The following TMCC1 variants were observed in gnomAD, a reference collection of about 807,000 sequenced individuals.
TMCC1 encodes the protein transmembrane and coiled-coil domain family 1, also known as transmembrane and coiled-coil domains protein 1.
TMCC1 carries 15 observed loss-of-function variants against 52.4 expected under a neutral mutation model. That is an observed-to-expected ratio of 0.29 (90% CI 0.19 to 0.44). The LOEUF is 0.44. Ranked by LOEUF, TMCC1 falls within the 20% of genes least tolerant of loss-of-function variation. The probability of loss-of-function intolerance (pLI) is 1.00; values close to 1 mark genes in which losing one functional copy is unlikely to be tolerated. For synonymous variants in TMCC1, 279 were observed against 301.9 expected, an observed-to-expected ratio of 0.92 and a Z score of 0.79; for missense variants, 503 against 806.0, an observed-to-expected ratio of 0.62 and a Z score of 4.55.
intron 2 of TMCC1, among the ~76,000 whole-genome samples, chr3:129,879,243 C>T (rs1261781903): frequency 6.6e-6 from 1 of 152,104 alleles, no homozygotes; most frequent in Non-Finnish European, 1.5e-5. Flanking sequence ...GAGTTCGAGA[C>T]CAGCATGGGC....
chr3:129,806,360 C>T (rs1394962262), intron 4 of TMCC1, among the ~76,000 whole-genome samples: 1 of 152,200 alleles, frequency 6.6e-6, no homozygotes, highest in Non-Finnish European at 1.5e-5. Flanking sequence ...ACTAAGCCAA[C>T]AGATGAGAAT....
In TMCC1 at chr3:129,648,019, T is replaced by C. The variant is rs566867291; in HGVS notation, c.*3462A>G. 1 of 152,788 alleles carries C rather than the reference T, an allele frequency of 6.5e-6. No homozygotes were observed. The highest frequency in any genetic ancestry group is 2.4e-5 in the African/African-American group (1 of 41,590). 9.5% of individuals were successfully genotyped at this position (152,788 alleles called of 1,614,324 possible). On this transcript the variant is annotated 3_prime_UTR_variant, in exon 7 of 7. Transcript: ENST00000393238. ...CACTTTGATAAAACACACAGTCTAG[T>C]AGTCAATCCCTACTGAGGATATCAC... is the stretch of plus-strand genomic sequence containing the variant.
Position 129,851,472 on chromosome 3 carries a change from T to C in TMCC1, c.-183-18646A>G, listed in dbSNP as rs80119959. 9.1e-3 allele frequency among the ~76,000 whole-genome samples: 1,383 copies of C among 152,282 alleles called. 30 individuals are homozygous for C. The highest frequency in any genetic ancestry group is 0.031 in the African/African-American group (1,297 of 41,546). On this transcript the variant is annotated intron_variant, in intron 2 of 6. Transcript: ENST00000393238. ...TTATTAAAGACAATGTAACAAAAAT[T>C]CAGTCTATTTTAATTTTCAAAGATG...
chr3:129,864,684 A>G, intron 2 of TMCC1, among the ~76,000 whole-genome samples: 1 of 152,182 alleles, frequency 6.6e-6, no homozygotes. Flanking sequence ...TCAAGGCTGC[A>G]AAGAGCTGAG....
At chr3:129,798,072 T>C (rs1687311441) in intron 4 of TMCC1, among the ~76,000 whole-genome samples, 2 of 151,832 alleles carry the variant, frequency 1.3e-5, no homozygotes, top group South Asian at 4.2e-4. Context: ...CTCAGCTCAT[T>C]GCAACCTCTG....
chr3:129,800,111 T>C (rs903540310), intron 4 of TMCC1, among the ~76,000 whole-genome samples: 1 of 152,216 alleles, frequency 6.6e-6, no homozygotes, highest in Non-Finnish European at 1.5e-5. Flanking sequence ...TATAAAGGAA[T>C]CTTGTGTGTG....
chr3:129,783,607 G>C (rs957670056), intron 4 of TMCC1, among the ~76,000 whole-genome samples: 1 of 151,596 alleles, frequency 6.6e-6, no homozygotes, highest in South Asian at 2.1e-4. Context: ...TTAAGTATTT[G>C]ATAGTTGCAA....
In TMCC1 at chr3:129,799,150, G is replaced by GGT. The variant is rs1432977556; in HGVS notation, c.576+28652_576+28653insAC. Among the ~76,000 whole-genome samples, 7 of 152,290 alleles carry GGT rather than the reference G, an allele frequency of 4.6e-5. No homozygotes were observed. The East Asian group carries it at 1.4e-3, about 29-fold the overall frequency. The stretch of plus-strand genomic sequence containing the variant: ...CTTGTGAGGGTTGATTTAAAGGGCA[G>GGT]CTGACCTTGCCAAATAAGGTCTTTA... On this transcript the variant is annotated intron_variant, in intron 4 of 6. Coordinates refer to ENST00000393238, the MANE Select transcript of TMCC1 (RefSeq NM_001017395.5).
chr3:129,683,330 A>G (rs1222522635), intron 4 of TMCC1, among the ~76,000 whole-genome samples: 1 of 152,082 alleles, frequency 6.6e-6, no homozygotes, highest in Non-Finnish European at 1.5e-5. Flanking sequence ...TGCTTTCCCT[A>G]GTGTCTAGTA....
intron 5 of TMCC1, among the ~76,000 whole-genome samples, chr3:129,667,739 G>A (rs547486749): frequency 5.3e-5 from 8 of 152,190 alleles, no homozygotes; most frequent in East Asian, 1.9e-4. Flanking sequence ...TTATGTCTCC[G>A]ACTTACACTA....
intron 5 of TMCC1, among the ~76,000 whole-genome samples, chr3:129,662,971 C>T (rs565281859): frequency 1.1e-4 from 16 of 152,054 alleles, no homozygotes; most frequent in Non-Finnish European, 2.4e-4. Flanking sequence ...GAAATTCATC[C>T]CCCACTGGAA....
intron 1 of TMCC1, among the ~76,000 whole-genome samples, chr3:129,890,766 C>A (rs1394916009): frequency 1.3e-5 from 2 of 152,200 alleles, no homozygotes; most frequent in African/African-American, 4.8e-5. Context: ...TACAACTATA[C>A]ATACAAAAAC....
chr3:129,717,297 T>C (rs981782789), intron 4 of TMCC1, among the ~76,000 whole-genome samples: 8 of 152,244 alleles, frequency 5.3e-5, no homozygotes, highest in African/African-American at 1.7e-4. Flanking sequence ...CTTATTGACC[T>C]ATCTGCAGCA....
chr3:129,670,518 A>C lies in TMCC1; in HGVS notation c.1323T>G (p.Ala441=). 6.2e-6 allele frequency: 10 copies of C among 1,614,202 alleles called. No homozygotes were observed. The highest frequency in any genetic ancestry group is 4.0e-5 in the African/African-American group (3 of 75,054). The change falls in exon 5 of 7, where the codon GCT becomes GCG. Residue 441 remains alanine, a synonymous_variant. Transcript: ENST00000393238. ...TTGTTTTGGAGCTGGATGCTCCTACAGCGATGCCCCCTGTGGTGCTGTTGG... is the reference window on the plus strand; with the variant it reads ...TTGTTTTGGAGCTGGATGCTCCTACCGCGATGCCCCCTGTGGTGCTGTTGG... ...VGANSTTGGI[A]VGASSSKTNT...
At chr3:129,865,878 T>C (rs1158573813) in intron 2 of TMCC1, among the ~76,000 whole-genome samples, 1 of 152,162 alleles carries the variant, frequency 6.6e-6, no homozygotes, top group African/African-American at 2.4e-5. Context: ...ATGACTTTGG[T>C]AGAAGACACA....
chr3:129,693,249 T>G (rs1306013909), intron 4 of TMCC1, among the ~76,000 whole-genome samples: 1 of 152,202 alleles, frequency 6.6e-6, no homozygotes, highest in East Asian at 1.9e-4. Context: ...TATAATTTTC[T>G]TAGAGAGCAC....
At chr3:129,668,112 C>T (rs2087616982) in intron 5 of TMCC1, among the ~76,000 whole-genome samples, 1 of 152,132 alleles carries the variant, frequency 6.6e-6, no homozygotes, top group African/African-American at 2.4e-5. Context: ...CACTTGAGCC[C>T]AGGAGGTCGA....
rs115149742 is a variant in TMCC1 at position 129,796,665 on chromosome 3, A to C, written c.576+31138T>G. On this transcript the variant is annotated intron_variant, in intron 4 of 6. Coordinates refer to ENST00000393238, the MANE Select transcript of TMCC1 (RefSeq NM_001017395.5). ...CTAGACCCTGTCTCTACAAAAAATA[A>C]GAATAAGAAAATTAGCTAGGTTTGG... 5.1e-3 allele frequency among the ~76,000 whole-genome samples: 771 copies of C among 152,222 alleles called. 4 individuals carry two copies. The highest frequency in any genetic ancestry group is 0.018 in the African/African-American group (749 of 41,532).
At chr3:129,883,337 G>T (rs2108000533) in intron 1 of TMCC1, among the ~76,000 whole-genome samples, 1 of 151,606 alleles carries the variant, frequency 6.6e-6, no homozygotes, top group East Asian at 1.9e-4. Context: ...AATGGGCCGG[G>T]TGTGTTGACT....
Sources: gnomAD v4.1 joint callset for allele counts (sites outside exome capture counted in the v4.1 genomes callset) on GRCh38, gnomAD v4.1.1 for gene constraint, MANE v1.5 for transcripts, NCBI Gene and HGNC (gene_info 2026-07-23, HGNC 2026-07-21) for gene names.